The following RBFOX1 variants were observed in gnomAD, a reference collection of about 807,000 sequenced individuals.
RBFOX1 encodes RNA binding protein fox-1 homolog 1.
A neutral mutation model predicts 57.7 loss-of-function variants in RBFOX1; 8 were observed. That is an observed-to-expected ratio of 0.14 (90% CI 0.08 to 0.25). RBFOX1 has a LOEUF of 0.25. Among genes scored for constraint, RBFOX1 ranks in the 10% least tolerant of loss-of-function variants. The pLI is 1.00. For missense variants in RBFOX1, 611 were observed against 548.5 expected (o/e 1.11, Z -1.14); for synonymous variants, 326 against 222.4 (o/e 1.47, Z -4.15).
intron 4 of RBFOX1, among the ~76,000 whole-genome samples, chr16:7,411,834 C>T (rs1373140082): frequency 6.9e-6 from 1 of 144,618 alleles, no homozygotes; most frequent in Non-Finnish European, 1.5e-5. Context: ...ACCCAGGAAG[C>T]AGTGGTTGTG....
At chr16:6,129,264 TAAAG>T (rs1408832619) in intron 1 of RBFOX1, among the ~76,000 whole-genome samples, 1 of 152,076 alleles carries the variant, frequency 6.6e-6, no homozygotes, top group Non-Finnish European at 1.5e-5. Flanking sequence ...GTTGAAGACT[TAAAG>T]AGAAGATTGT....
intron 3 of RBFOX1, among the ~76,000 whole-genome samples, chr16:5,750,567 C>T (rs560155670): frequency 1.3e-5 from 2 of 152,238 alleles, no homozygotes; most frequent in Non-Finnish European, 2.9e-5. Flanking sequence ...TCAGCAATGG[C>T]AGGCGCCCCT....
chr16:7,471,950 G>C (rs1433811634), intron 4 of RBFOX1, among the ~76,000 whole-genome samples: 7 of 152,138 alleles, frequency 4.6e-5, no homozygotes, highest in African/African-American at 1.7e-4. Context: ...GGCTGAAGAA[G>C]CTGACAAAAA....
At chr16:6,073,670 C>T (rs61658635) in intron 1 of RBFOX1, among the ~76,000 whole-genome samples, 20,299 of 152,090 alleles carry the variant, frequency 0.13, 1,392 homozygotes, top group East Asian at 0.26. Flanking sequence ...CATAATCTTC[C>T]TGGATTCCTA....
intron 4 of RBFOX1, among the ~76,000 whole-genome samples, chr16:7,429,310 C>G (rs980899610): frequency 7.2e-5 from 11 of 152,232 alleles, no homozygotes; most frequent in Admixed American, 3.9e-4. Context: ...ATCTCAAGGA[C>G]TTGGCACAAG....
intron 2 of RBFOX1, among the ~76,000 whole-genome samples, chr16:5,575,984 ATC>A (rs1042513496): frequency 7.1e-6 from 1 of 139,950 alleles, no homozygotes; most frequent in African/African-American, 2.7e-5. Flanking sequence ...AGAAATTTTC[ATC>A]TTTTTTTTTT....
At chr16:5,515,413 A>AG (rs1204644998) in intron 2 of RBFOX1, among the ~76,000 whole-genome samples, 32 of 152,318 alleles carry the variant, frequency 2.1e-4, no homozygotes, top group African/African-American at 7.7e-4. Context: ...AGCCTCTGAG[A>AG]GGGGGCAGAT....
intron 4 of RBFOX1, among the ~76,000 whole-genome samples, chr16:7,249,716 C>G (rs1198180605): frequency 6.6e-6 from 1 of 152,000 alleles, no homozygotes; most frequent in African/African-American, 2.4e-5. Flanking sequence ...AATTGCTGAG[C>G]TTTTTCTTGT....
chr16:6,125,222 G>A (rs887431205), intron 1 of RBFOX1, among the ~76,000 whole-genome samples: 1 of 152,090 alleles, frequency 6.6e-6, no homozygotes, highest in Non-Finnish European at 1.5e-5. Context: ...AAATCCTTAA[G>A]TTCCCTACAA....
intron 1 of RBFOX1, among the ~76,000 whole-genome samples, chr16:6,297,012 TAAAC>T (rs2078193981): frequency 6.6e-6 from 1 of 152,204 alleles, no homozygotes; most frequent in Non-Finnish European, 1.5e-5. Flanking sequence ...GATGATATGT[TAAAC>T]AAGGGGTGGG....
intron 4 of RBFOX1, among the ~76,000 whole-genome samples, chr16:5,962,105 G>T (rs2098078): frequency 0.091 from 13,775 of 152,130 alleles, 726 homozygotes; most frequent in Middle Eastern, 0.19. Context: ...GTGGTATGAT[G>T]AATAAAGGAG....
chr16:7,355,782 C>T (rs2097204474), intron 4 of RBFOX1, among the ~76,000 whole-genome samples: 1 of 152,216 alleles, frequency 6.6e-6, no homozygotes, highest in African/African-American at 2.4e-5. Flanking sequence ...TCAAACTGGA[C>T]ATCATCAATC....
intron 4 of RBFOX1, among the ~76,000 whole-genome samples, chr16:5,950,461 T>C (rs1396827618): frequency 3.3e-5 from 5 of 152,228 alleles, no homozygotes; most frequent in Non-Finnish European, 7.3e-5. Flanking sequence ...GGTCATTCTT[T>C]CTATTTTCAT....
chr16:5,796,488 A>G (rs1237254465), intron 3 of RBFOX1, among the ~76,000 whole-genome samples: 1 of 152,198 alleles, frequency 6.6e-6, no homozygotes, highest in East Asian at 1.9e-4. Flanking sequence ...GGCATCATAG[A>G]TGACATTTCC....
chr16:6,252,111 A>C (rs893949679), intron 1 of RBFOX1, among the ~76,000 whole-genome samples: 1 of 151,960 alleles, frequency 6.6e-6, no homozygotes, highest in African/African-American at 2.4e-5. Context: ...AACTTCCCCT[A>C]TGACAGTCCA....
At position 6,029,825 on chromosome 16, in the gene RBFOX1, A is replaced by T. The variant is rs189840366; in HGVS notation, c.-127+9833A>T. ...AAAAACATGTTATTGAATGTAGGTG[A>T]GGGATAAGAACCAAGAACTTCTGGT... On this transcript the variant is annotated intron_variant, in intron 1 of 15. Transcript: ENST00000550418. Among the ~76,000 whole-genome samples, 280 of 149,204 alleles carry T rather than the reference A, an allele frequency of 1.9e-3. 1 individual carries two copies. The highest frequency in any genetic ancestry group is 6.6e-3 in the African/African-American group (272 of 41,082).
At chr16:6,694,955 C>G (rs543832106) in intron 3 of RBFOX1, among the ~76,000 whole-genome samples, 5 of 151,630 alleles carry the variant, frequency 3.3e-5, no homozygotes, top group Non-Finnish European at 7.4e-5. Flanking sequence ...TTGCATAGTT[C>G]AGTACCACAG....
intron 4 of RBFOX1, among the ~76,000 whole-genome samples, chr16:7,345,333 G>A (rs1257002632): frequency 6.6e-6 from 1 of 152,120 alleles, no homozygotes; most frequent in African/African-American, 2.4e-5. Context: ...TCTCGGGGAG[G>A]TTTTGACAGA....
At chr16:7,261,849 G>A (rs759898438) in intron 4 of RBFOX1, among the ~76,000 whole-genome samples, 9 of 152,182 alleles carry the variant, frequency 5.9e-5, no homozygotes, top group Non-Finnish European at 5.9e-5. Context: ...CAAAGTCTTG[G>A]ATTCATTTGT....
Sources: gnomAD v4.1 joint callset for allele counts (sites outside exome capture counted in the v4.1 genomes callset) on GRCh38, gnomAD v4.1.1 for gene constraint, MANE v1.5 for transcripts, NCBI Gene and HGNC (gene_info 2026-07-23, HGNC 2026-07-21) for gene names.